The following SEL1L3 variants were observed in gnomAD, a reference collection of about 807,000 sequenced individuals.
SEL1L3 encodes SEL1L family member 3, also known as protein sel-1 homolog 3.
In SEL1L3, 76 loss-of-function variants were observed where a neutral mutation model predicts 142.8. The ratio of observed to expected loss-of-function variants is 0.53; its 90% CI spans 0.44 to 0.64. The LOEUF is 0.64. Among genes scored for constraint, SEL1L3 ranks in the 30% least tolerant of loss-of-function variants. SEL1L3 has a pLI of 0.00. For synonymous variants in SEL1L3, 504 were observed against 519.6 expected (o/e 0.97, Z 0.41); for missense variants, 1,262 against 1,381.7 (o/e 0.91, Z 1.37).
chr4:25,748,709 C>A, intron 23 of SEL1L3, 145 bp from the exon 24 acceptor site: 1 of 721,238 alleles, frequency 1.4e-6, no homozygotes. Flanking sequence ...ACTCTGGACC[C>A]GTTATCTAAG....
chr4:25,754,279 G>T (rs769661291), intron 23 of SEL1L3, among the ~76,000 whole-genome samples: 4 of 151,338 alleles, frequency 2.6e-5, no homozygotes, highest in Non-Finnish European at 5.9e-5. Flanking sequence ...TCCAGCCTGG[G>T]CAACAAGAGC....
chr4:25,807,683 G>T (rs1713685242), intron 9 of SEL1L3, among the ~76,000 whole-genome samples: 2 of 152,112 alleles, frequency 1.3e-5, no homozygotes, highest in African/African-American at 4.8e-5. Context: ...AGAGGAGGAA[G>T]AGACTCCAAA....
At chr4:25,825,666 ATTTTTT>A (rs33997941) in intron 6 of SEL1L3, among the ~76,000 whole-genome samples, 42 of 74,052 alleles carry the variant, frequency 5.7e-4, no homozygotes, top group African/African-American at 1.7e-3. Context: ...TCTAAATTCT[ATTTTTT>A]TTTTTTTTTT....
intron 23 of SEL1L3, chr4:25,756,188 T>C (rs1717945669): frequency 4.1e-6 from 4 of 985,330 alleles, no homozygotes; most frequent in Non-Finnish European, 3.6e-6. Flanking sequence ...TCTACCCATT[T>C]GTAAATGTCT....
intron 9 of SEL1L3, among the ~76,000 whole-genome samples, chr4:25,813,470 T>A (rs55859777): frequency 0.039 from 5,969 of 152,272 alleles, 188 homozygotes; most frequent in Middle Eastern, 0.092. Flanking sequence ...AAATACTGTG[T>A]AAAATACCAA....
intron 2 of SEL1L3, among the ~76,000 whole-genome samples, chr4:25,839,562 C>T (rs1432603912): frequency 6.6e-6 from 1 of 152,158 alleles, no homozygotes; most frequent in Non-Finnish European, 1.5e-5. Flanking sequence ...TGTTAATGAG[C>T]GCAGGTCTGT....
In SEL1L3 at chr4:25,767,803, TA is replaced by T; in HGVS notation, c.2696del (p.Leu899Ter). The T allele has an allele frequency of 6.4e-7, 1 of 1,572,562 alleles. No individual in the cohort carries two copies. The highest frequency in any genetic ancestry group is 8.6e-7 in the Non-Finnish European group (1 of 1,156,732). ...ACACTTCAATTCCAGTTTCTGCTGC[TA>T]AAACATAATACAGCAAAGCTTCATG... is the stretch of plus-strand genomic sequence containing the variant. ...SWHEALLYYV[L>X]AAETGIEVSQ... On this transcript the variant is annotated frameshift_variant, in exon 18 of 24. Coordinates refer to ENST00000399878, the MANE Select transcript of SEL1L3 (RefSeq NM_015187.5). LOFTEE classifies it high-confidence loss of function.
At chr4:25,752,785 T>C (rs2109112168) in intron 23 of SEL1L3, among the ~76,000 whole-genome samples, 1 of 152,332 alleles carries the variant, frequency 6.6e-6, no homozygotes, top group South Asian at 2.1e-4. Context: ...CATGCCCCGC[T>C]AATTTTTGTA....
At chr4:25,780,115 G>A (rs925342128) in intron 15 of SEL1L3, among the ~76,000 whole-genome samples, 20 of 151,908 alleles carry the variant, frequency 1.3e-4, no homozygotes, top group African/African-American at 3.6e-4. Flanking sequence ...TTCTTCCAAC[G>A]CAACAAATGC....
chr4:25,736,030 C>T, the SEL1L3 span, among the ~76,000 whole-genome samples: 6 of 151,606 alleles, frequency 4.0e-5, no homozygotes, highest in South Asian at 2.1e-4. Flanking sequence ...GGGGTTTCAC[C>T]GTGTTAGCCA....
intron 11 of SEL1L3, among the ~76,000 whole-genome samples, chr4:25,800,967 T>A (rs557609632): frequency 3.9e-5 from 6 of 152,210 alleles, no homozygotes. Flanking sequence ...ATTTTCTGCA[T>A]TGAGGATTTC....
intron 2 of SEL1L3, among the ~76,000 whole-genome samples, chr4:25,846,541 G>A (rs986406741): frequency 4.6e-5 from 7 of 152,134 alleles, no homozygotes; most frequent in African/African-American, 1.7e-4. Flanking sequence ...TTACCATTCT[G>A]TGGTACAACC....
chr4:25,754,755 A>G (rs577207864), intron 23 of SEL1L3, among the ~76,000 whole-genome samples: 2 of 152,300 alleles, frequency 1.3e-5, no homozygotes, highest in Non-Finnish European at 2.9e-5. Flanking sequence ...GCATTTAATA[A>G]GAATGCTGGA....
At chr4:25,779,028 T>C (rs1719824691) in intron 16 of SEL1L3, 48 bp downstream of exon 16, 1 of 1,594,320 alleles carries the variant, frequency 6.3e-7, no homozygotes, top group Non-Finnish European at 8.6e-7. Flanking sequence ...GCACAGAGAA[T>C]ATAGGATATG....
chr4:25,727,092 AC>A, the SEL1L3 span, among the ~76,000 whole-genome samples: 115,238 of 151,156 alleles, frequency 0.76, 44,391 homozygotes, highest in African/African-American at 0.86. Context: ...TCGCTCTGTC[AC>A]CCAGGCTGGA....
chr4:25,743,742 G>A (rs565912451), downstream of SEL1L3, among the ~76,000 whole-genome samples: 4 of 152,282 alleles, frequency 2.6e-5, no homozygotes, highest in East Asian at 3.9e-4. Context: ...TGAATAGACT[G>A]GGAGGCAGGT....
At position 25,847,665 on chromosome 4, in the gene SEL1L3, A is replaced by G; in HGVS notation, c.362T>C (p.Phe121Ser). 6.2e-7 allele frequency: 1 copy of G among 1,613,988 alleles called. No homozygotes were observed. The highest frequency in any genetic ancestry group is 8.5e-7 in the Non-Finnish European group (1 of 1,179,880). ...TTTGTACACGGGAATGCTACTTCTG[A>G]ACTCAGATGAAACAACTGCTTCCAA... The part of the protein sequence containing the change: ...VNLEAVVSSE[F>S]RSSIPVYKKR... Residue 121 changes from phenylalanine (F) to serine (S), a missense_variant, in exon 2 of 24, where the codon TTC (phenylalanine) becomes TCC (serine). Physicochemically the swap from Phe to Ser is radical, Grantham distance 155 (BLOSUM62 -2). Around this residue, in one of 3 missense-constraint regions of SEL1L3, gnomAD observed 689 missense variants for 692.8 expected, o/e 0.99. Transcript: ENST00000399878.
intron 2 of SEL1L3, among the ~76,000 whole-genome samples, chr4:25,843,516 T>C (rs921087671): frequency 6.6e-6 from 1 of 152,204 alleles, no homozygotes; most frequent in Non-Finnish European, 1.5e-5. Context: ...CTGGCCTGCA[T>C]GGCTGATTCC....
At chr4:25,827,732 C>A (rs1715184719) in intron 6 of SEL1L3, among the ~76,000 whole-genome samples, 1 of 152,148 alleles carries the variant, frequency 6.6e-6, no homozygotes, top group South Asian at 2.1e-4. Context: ...GCCTCTAGAT[C>A]TCTGGGATTG....
Sources: allele counts gnomAD v4.1 joint callset (sites outside exome capture counted in the v4.1 genomes callset), GRCh38; gene constraint gnomAD v4.1.1; regional missense constraint gnomAD v4.1.1; transcripts MANE v1.5; gene names NCBI Gene and HGNC (gene_info 2026-07-23, HGNC 2026-07-21).